The following GREB1 variants were observed in gnomAD, a reference collection of about 807,000 sequenced individuals.
GREB1 encodes the protein growth regulating estrogen receptor binding 1.
A neutral mutation model predicts 200.7 loss-of-function variants in GREB1; 106 were observed. The observed-to-expected ratio is 0.53, with a 90% CI of 0.45 to 0.62. The LOEUF is 0.62. Ranked by LOEUF, GREB1 falls within the 20% of genes least tolerant of loss-of-function variation. The pLI, the probability that GREB1 is intolerant of heterozygous loss-of-function variation, is 0.00. For synonymous variants in GREB1, 1,132 were observed against 1,092.4 expected (o/e 1.04, Z -0.72); for missense variants, 2,243 against 2,556.8 (o/e 0.88, Z 2.65).
intron 3 of GREB1, among the ~76,000 whole-genome samples, 173 bp from the exon 4 acceptor site, chr2:11,566,307 A>G (rs1478629061): frequency 6.6e-6 from 1 of 151,866 alleles, no homozygotes; most frequent in Non-Finnish European, 1.5e-5. Context: ...GTGAGCTACC[A>G]TGCCCAGCCA....
intron 1 of GREB1, among the ~76,000 whole-genome samples, chr2:11,535,131 T>C (rs60798771): frequency 0.016 from 2,386 of 152,282 alleles, 70 homozygotes; most frequent in African/African-American, 0.054. Flanking sequence ...CTACCTGCTC[T>C]GTAGACAGGA....
chr2:11,618,473 C>T lies in GREB1; in HGVS notation c.3598C>T (p.Pro1200Ser), dbSNP rs375509817. ...GCACAGTCCCGGGCCGACGCCCCAG[C>T]CCGACTGTAGCCTCAGGACCGGCCA... ...SRHSPGPTPQ[P>S]DCSLRTGQRS... The change falls in exon 22 of 33, where the codon CCC becomes TCC. Residue 1200 changes from proline to serine, a missense_variant. Pro to Ser is a moderately conservative substitution (Grantham distance 74). Around this residue, in one of 3 missense-constraint regions of GREB1, gnomAD observed 587 missense variants for 553.1 expected, o/e 1.06. Transcript: ENST00000381486. 2.5e-6 allele frequency: 4 copies of T among 1,607,396 alleles called. No homozygotes were observed. The Admixed American group carries it at 6.8e-5, about 27-fold the overall frequency.
Position 11,640,358 on chromosome 2 carries a change from C to G in GREB1, c.5754C>G (p.Leu1918=). The change falls in exon 33 of 33, where the codon CTC becomes CTG. Residue 1918 remains leucine (L), a synonymous_variant. Transcript: ENST00000381486. The surrounding 1 kb of genome is among the most constrained non-coding windows in gnomAD (Gnocchi z 4.6). The part of the protein sequence containing the change: ...SLRQTVVRLE[L]EDEWQFRLRD... ...GCCAGACGGTCGTCCGCCTGGAGCT[C>G]GAGGACGAGTGGCAGTTCCGGCTGC... is the stretch of plus-strand genomic sequence containing the variant. 6.2e-7 allele frequency: 1 copy of G among 1,614,168 alleles called. No individual in the cohort carries two copies. The highest frequency in any genetic ancestry group is 8.5e-7 in the Non-Finnish European group (1 of 1,180,028).
chr2:11,629,246 G>A lies in GREB1; in HGVS notation c.4450-702G>A, dbSNP rs556539957. On this transcript the variant is annotated intron_variant, in intron 25 of 32. Coordinates refer to ENST00000381486, the MANE Select transcript of GREB1 (RefSeq NM_014668.4). This position sits in a 1 kb window ranked among gnomAD's most constrained non-coding sequence, Gnocchi z 5.2. ...GGAAGGGCCGTGGGTCGGTGGGGTC[G>A]TAAGAGGACGTTCAAGCTGAGGGCA... is the stretch of plus-strand genomic sequence containing the variant. Among the ~76,000 whole-genome samples the A allele has an allele frequency of 5.2e-4, 79 of 152,206 alleles. No homozygotes were observed. The highest frequency in any genetic ancestry group is 8.4e-4 in the Non-Finnish European group (57 of 68,022).
chr2:11,587,432 G>A, intron 9 of GREB1: 1 of 1,613,944 alleles, frequency 6.2e-7, no homozygotes, highest in Non-Finnish European at 8.5e-7. Flanking sequence ...GGCAGAACCT[G>A]CATCGCCCCG....
intron 1 of GREB1, among the ~76,000 whole-genome samples, chr2:11,503,913 G>C (rs1340208570): frequency 3.3e-5 from 5 of 152,092 alleles, no homozygotes; most frequent in African/African-American, 1.2e-4. Flanking sequence ...CTGAAACCAT[G>C]GCTAGTACTG....
At chr2:11,618,082 G>A (rs1010618769) in intron 21 of GREB1, among the ~76,000 whole-genome samples, 3 of 86,576 alleles carry the variant, frequency 3.5e-5, no homozygotes, top group Non-Finnish European at 6.8e-5. Flanking sequence ...AACAGGAGCC[G>A]CCGGCAAGTT....
intron 1 of GREB1, among the ~76,000 whole-genome samples, chr2:11,502,419 G>A (rs115468133): frequency 0.019 from 2,739 of 144,314 alleles, 41 homozygotes; most frequent in Non-Finnish European, 0.03. Flanking sequence ...ATAGGGTCTC[G>A]CCATGTTGCC....
chr2:11,618,805 C>T lies in GREB1; in HGVS notation c.3930C>T (p.Leu1310=), dbSNP rs1333765607. The change falls in exon 22 of 33, where the codon CTC becomes CTT. Residue 1310 remains leucine, a synonymous_variant. Coordinates refer to ENST00000381486, the MANE Select transcript of GREB1 (RefSeq NM_014668.4). ...CCATGACATCCACCGAGCAGTCCCT[C>T]TACTACCGGCAGTGGACGGTGCCCC... ...SKTMTSTEQS[L]YYRQWTVPRP... is the part of the protein sequence containing the mutation. 6 of 1,609,222 alleles carry T rather than the reference C, an allele frequency of 3.7e-6. No homozygotes were observed. The highest frequency in any genetic ancestry group is 2.2e-5 in the East Asian group (1 of 44,868).
At chr2:11,568,201 G>A (rs941835115) in intron 4 of GREB1, among the ~76,000 whole-genome samples, 3 of 152,222 alleles carry the variant, frequency 2.0e-5, no homozygotes, top group Admixed American at 6.5e-5. Context: ...GCTTGATACA[G>A]TTCCAAAAGC....
At chr2:11,502,604 T>A (rs1673078584) in intron 1 of GREB1, among the ~76,000 whole-genome samples, 1 of 152,152 alleles carries the variant, frequency 6.6e-6, no homozygotes, top group Non-Finnish European at 1.5e-5. Flanking sequence ...AGTTTATCTT[T>A]ATTTGGATAA....
intron 13 of GREB1, 141 bp downstream of exon 13, chr2:11,596,380 A>T (rs1681206913): frequency 2.4e-6 from 1 of 408,590 alleles, no homozygotes; most frequent in Non-Finnish European, 4.4e-6. Flanking sequence ...ACAGATGTGT[A>T]TAGTGAGGGG....
At chr2:11,543,533 G>C (rs969122093) in intron 1 of GREB1, among the ~76,000 whole-genome samples, 1 of 152,312 alleles carries the variant, frequency 6.6e-6, no homozygotes, top group Middle Eastern at 3.4e-3. Context: ...AGGTCACACA[G>C]CTTGAAAGCA....
intron 1 of GREB1, among the ~76,000 whole-genome samples, chr2:11,549,265 G>T (rs1274094763): frequency 6.6e-6 from 1 of 151,956 alleles, no homozygotes; most frequent in African/African-American, 2.4e-5. Context: ...AACCCCCAAA[G>T]AGTTTATTTT....
intron 13 of GREB1, 35 bp downstream of exon 13, chr2:11,596,274 G>A: frequency 6.2e-7 from 1 of 1,601,310 alleles, no homozygotes; most frequent in Non-Finnish European, 8.5e-7. Flanking sequence ...AGGGTGGAGA[G>A]GGTACAAAGT....
intron 1 of GREB1, among the ~76,000 whole-genome samples, chr2:11,487,341 C>G (rs1179345188): frequency 7.9e-5 from 12 of 152,214 alleles, no homozygotes; most frequent in Admixed American, 7.2e-4. Flanking sequence ...TGGGTATAAT[C>G]TAGCTGACTC....
intron 3 of GREB1, among the ~76,000 whole-genome samples, chr2:11,563,926 G>C (rs1457219056): frequency 6.6e-6 from 1 of 152,202 alleles, no homozygotes; most frequent in African/African-American, 2.4e-5. Flanking sequence ...GCAAGCAGGG[G>C]TGCATGGAGC....
chr2:11,538,302 G>A (rs1410508369), intron 1 of GREB1, among the ~76,000 whole-genome samples: 2 of 152,166 alleles, frequency 1.3e-5, no homozygotes, highest in Non-Finnish European at 2.9e-5. Flanking sequence ...TTTGGGGACT[G>A]AGCCCAGGAA....
At chr2:11,541,648 T>C (rs905663912) in intron 1 of GREB1, among the ~76,000 whole-genome samples, 3 of 152,220 alleles carry the variant, frequency 2.0e-5, no homozygotes, top group African/African-American at 7.2e-5. Context: ...TCTATTGCAG[T>C]ATCCTCCTAG....
Sources: gnomAD v4.1 joint callset for allele counts (sites outside exome capture counted in the v4.1 genomes callset) on GRCh38, gnomAD v4.1.1 for gene constraint, gnomAD v4.1.1 regional missense constraint, Gnocchi (gnomAD v3.1) non-coding constraint, MANE v1.5 for transcripts, NCBI Gene and HGNC (gene_info 2026-07-23, HGNC 2026-07-21) for gene names.